TSHZ2: variants seen among roughly 807,000 people sequenced by gnomAD.
TSHZ2 encodes teashirt zinc finger homeobox 2.
Under a neutral mutation model 74.4 loss-of-function variants are expected in TSHZ2, and 21 were observed. The observed-to-expected ratio is 0.28, with a 90% CI of 0.20 to 0.41. The LOEUF is 0.41. TSHZ2 is among the 10% of genes least tolerant of loss of function. TSHZ2 has a pLI of 1.00. For missense variants in TSHZ2, 1,244 were observed against 1,293.5 expected (o/e 0.96, Z 0.59); for synonymous variants, 540 against 515.3 (o/e 1.05, Z -0.65).
intron 2 of TSHZ2, among the ~76,000 whole-genome samples, chr20:53,283,352 T>C (rs1417444555): frequency 6.6e-6 from 1 of 152,246 alleles, no homozygotes; most frequent in African/African-American, 2.4e-5. Context: ...CGAGGCACTC[T>C]TTAAAACTCT....
At chr20:53,138,146 GC>G (rs1195769388) in intron 1 of TSHZ2, among the ~76,000 whole-genome samples, 4 of 152,124 alleles carry the variant, frequency 2.6e-5, no homozygotes, top group African/African-American at 9.7e-5. Flanking sequence ...ACTTTGGGAG[GC>G]CAAGGCGGGC....
chr20:53,273,735 G>A (rs1366464911), intron 2 of TSHZ2, among the ~76,000 whole-genome samples: 2 of 152,190 alleles, frequency 1.3e-5, no homozygotes, highest in African/African-American at 4.8e-5. Flanking sequence ...CGGTGAGCAT[G>A]GGAAGGAATG....
At chr20:53,141,285 A>G (rs1186213913) in intron 1 of TSHZ2, among the ~76,000 whole-genome samples, 1 of 152,154 alleles carries the variant, frequency 6.6e-6, no homozygotes, top group Non-Finnish European at 1.5e-5. Flanking sequence ...GCCCTTTTTC[A>G]GACTGGCGAA....
chr20:53,442,710 T>C (rs1215153468), intron 2 of TSHZ2, among the ~76,000 whole-genome samples: 1 of 152,214 alleles, frequency 6.6e-6, no homozygotes, highest in Admixed American at 6.5e-5. Context: ...TCTAGAGTTG[T>C]TTATGGATAT....
chr20:53,340,173 C>CTT (rs1285149762), intron 2 of TSHZ2, among the ~76,000 whole-genome samples: 12 of 62,108 alleles, frequency 1.9e-4, no homozygotes, highest in African/African-American at 8.7e-4. Context: ...GGTGACTTTT[C>CTT]TTTCTTTTTT....
At chr20:53,155,937 T>C (rs1472143220) in intron 1 of TSHZ2, among the ~76,000 whole-genome samples, 1 of 152,184 alleles carries the variant, frequency 6.6e-6, no homozygotes, top group East Asian at 1.9e-4. Flanking sequence ...TTTTAAAACT[T>C]TAATTAGGTA....
At chr20:53,036,439 T>C (rs1009861982) in intron 1 of TSHZ2, among the ~76,000 whole-genome samples, 4 of 151,682 alleles carry the variant, frequency 2.6e-5, no homozygotes, top group African/African-American at 9.7e-5. Flanking sequence ...CACGTATACA[T>C]ACACACATAT....
At chr20:52,979,083 G>A (rs1049453078) in intron 1 of TSHZ2, among the ~76,000 whole-genome samples, 3 of 152,004 alleles carry the variant, frequency 2.0e-5, no homozygotes, top group African/African-American at 7.2e-5. Flanking sequence ...TAAGAAAGTG[G>A]AGAGTACTTG....
intron 1 of TSHZ2, among the ~76,000 whole-genome samples, chr20:53,252,253 G>T (rs1466124972): frequency 6.6e-6 from 1 of 152,134 alleles, no homozygotes; most frequent in African/African-American, 2.4e-5. Flanking sequence ...GACCTCCAGC[G>T]CATGACCACT....
chr20:53,163,386 T>G (rs906685196), intron 1 of TSHZ2, among the ~76,000 whole-genome samples: 11 of 118,008 alleles, frequency 9.3e-5, no homozygotes, highest in Non-Finnish European at 1.8e-4. Flanking sequence ...TTTTTTTTTT[T>G]GAGGTTTCAG....
intron 1 of TSHZ2, among the ~76,000 whole-genome samples, chr20:53,121,148 A>G (rs1986798935): frequency 6.6e-6 from 1 of 152,230 alleles, no homozygotes; most frequent in Admixed American, 6.5e-5. Context: ...AGACAAAATC[A>G]GTATTGTTTA....
At chr20:53,268,860 T>G (rs1017031546) in intron 2 of TSHZ2, among the ~76,000 whole-genome samples, 1 of 152,200 alleles carries the variant, frequency 6.6e-6, no homozygotes, top group African/African-American at 2.4e-5. Flanking sequence ...CAGATCAGGC[T>G]TCGGGGTCAG....
At chr20:53,051,776 T>C (rs1466081015) in intron 1 of TSHZ2, among the ~76,000 whole-genome samples, 1 of 152,156 alleles carries the variant, frequency 6.6e-6, no homozygotes, top group African/African-American at 2.4e-5. Context: ...CACACGAGTC[T>C]CCGTTTATGT....
chr20:53,014,959 T>G (rs145482211), intron 1 of TSHZ2, among the ~76,000 whole-genome samples: 26 of 152,256 alleles, frequency 1.7e-4, no homozygotes, highest in African/African-American at 6.0e-4. Flanking sequence ...AAAGCCTAAT[T>G]CTTTGCCCTG....
chr20:53,178,917 A>G (rs1412155225), intron 1 of TSHZ2: 2 of 152,192 alleles, frequency 1.3e-5, no homozygotes, highest in African/African-American at 2.4e-5. Context: ...TGAAGTAGTA[A>G]TGTAAGATCT....
chr20:53,326,311 A>T (rs1055586580), intron 2 of TSHZ2, among the ~76,000 whole-genome samples: 1 of 152,238 alleles, frequency 6.6e-6, no homozygotes. Flanking sequence ...AAGCAAAGGA[A>T]CTTGGAGTGC....
chr20:53,124,524 A>G (rs1390956454), intron 1 of TSHZ2, among the ~76,000 whole-genome samples: 1 of 152,236 alleles, frequency 6.6e-6, no homozygotes, highest in Non-Finnish European at 1.5e-5. Flanking sequence ...AGCTCTCTCC[A>G]TGCATCATCG....
chr20:53,271,215 C>T (rs1990829948), intron 2 of TSHZ2, among the ~76,000 whole-genome samples: 1 of 152,166 alleles, frequency 6.6e-6, no homozygotes, highest in Admixed American at 6.5e-5. Context: ...AACATGGGTC[C>T]TGGAACTGCT....
At chr20:53,453,701 A>T (rs1241520155) in intron 2 of TSHZ2, among the ~76,000 whole-genome samples, 1 of 152,198 alleles carries the variant, frequency 6.6e-6, no homozygotes, top group Non-Finnish European at 1.5e-5. Flanking sequence ...TCATACAAAC[A>T]TTTCTGTGAC....
Sources: allele counts gnomAD v4.1 joint callset (sites outside exome capture counted in the v4.1 genomes callset), GRCh38; gene constraint gnomAD v4.1.1; transcripts MANE v1.5; gene names NCBI Gene and HGNC (gene_info 2026-07-23, HGNC 2026-07-21).